Variants in HK1 observed in about 807,000 individuals in gnomAD.
The protein encoded by HK1 is hexokinase-1.
A neutral mutation model predicts 91.6 loss-of-function variants in HK1; 28 were observed. The observed-to-expected ratio is 0.31, with a 90% CI of 0.23 to 0.42. The LOEUF is 0.42. Ranked by LOEUF, HK1 falls within the 10% of genes least tolerant of loss-of-function variation. The pLI is 1.00. For missense variants in HK1, 770 were observed against 1,219.8 expected (o/e 0.63, Z 5.49); for synonymous variants, 430 against 468.1 (o/e 0.92, Z 1.05).
At chr10:69,276,890 TC>T (rs1479815719) in intron 1 of HK1, among the ~76,000 whole-genome samples, 1 of 151,588 alleles carries the variant, frequency 6.6e-6, no homozygotes, top group Admixed American at 6.6e-5. Context: ...ATGTATCTTC[TC>T]CCAAAGAAGA....
At chr10:69,368,431 C>A (rs1849818160) in intron 4 of HK1, 105 bp from the exon 5 acceptor site, 2 of 953,278 alleles carry the variant, frequency 2.1e-6, no homozygotes, top group Non-Finnish European at 3.4e-6. Flanking sequence ...AGCCACTTGG[C>A]CCCTATGGGC....
chr10:69,380,035 G>T lies in HK1; in HGVS notation c.1205G>T (p.Gly402Val). ...TTGAACCGCCTGCGTGATAACAAGG[G>T]CACACCCAGGCTGCGGACCACGGTT... is the stretch of plus-strand genomic sequence containing the variant. ...AILNRLRDNKGTPRLRTTVGV... is the reference protein window; with the variant it reads ...AILNRLRDNKVTPRLRTTVGV... The change falls in exon 9 of 18, where the codon GGC becomes GTC. Residue 402 changes from glycine to valine, a missense_variant. Transcript: ENST00000359426. This position sits in a 1 kb window ranked among gnomAD's most constrained non-coding sequence, Gnocchi z 4.0. 6.2e-7 allele frequency: 1 copy of T among 1,614,130 alleles called. No homozygotes were observed. Among genetic ancestry groups the T allele is most frequent in the Non-Finnish European group, 8.5e-7 (1 of 1,179,996 alleles).
At chr10:69,275,782 T>C (rs1454486404) in intron 1 of HK1, among the ~76,000 whole-genome samples, 2 of 152,094 alleles carry the variant, frequency 1.3e-5, no homozygotes, top group Admixed American at 1.3e-4. Context: ...GTGCTTTTCA[T>C]GTGCACTTAA....
At chr10:69,309,973 C>A (rs2132531317) in intron 5 of HK1, among the ~76,000 whole-genome samples, 1 of 151,052 alleles carries the variant, frequency 6.6e-6, no homozygotes, top group African/African-American at 2.4e-5. Flanking sequence ...TTGCTTGAAC[C>A]CGGGAGGCGG....
In HK1 at chr10:69,377,056, A is replaced by G. The variant is rs1441707314; in HGVS notation, c.998A>G (p.Lys333Arg). Reference protein sequence around the residue: ...RITPELLTRGKFNTSDVSAIE... With the variant: ...RITPELLTRGRFNTSDVSAIE... ...ACCCCGGAGCTGCTCACCCGAGGGA[A>G]GTTTAACACCAGTGATGTGTCAGCC... Residue 333 changes from lysine to arginine, a missense_variant, in exon 8 of 18, where the codon AAG becomes AGG. Transcript: ENST00000359426. The G allele has an allele frequency of 6.2e-7, 1 of 1,614,136 alleles. No individual in the cohort carries two copies. The highest frequency in any genetic ancestry group is 1.1e-5 in the South Asian group (1 of 91,072).
At chr10:69,387,771 G>A (rs796914875) in intron 13 of HK1, among the ~76,000 whole-genome samples, 7 of 152,190 alleles carry the variant, frequency 4.6e-5, no homozygotes, top group South Asian at 2.1e-4. Flanking sequence ...TGTGTTTCTC[G>A]TGGTCTTTGG....
At chr10:69,392,078 C>T (rs1016579663) in intron 14 of HK1, 47 bp from the exon 15 acceptor site, 4 of 1,609,394 alleles carry the variant, frequency 2.5e-6, no homozygotes, top group Non-Finnish European at 3.4e-6. Context: ...TTGCAAGACC[C>T]CCAAATGCAA....
chr10:69,350,776 T>A (rs936379113), intron 2 of HK1, among the ~76,000 whole-genome samples: 8 of 152,170 alleles, frequency 5.3e-5, no homozygotes, highest in African/African-American at 1.9e-4. Flanking sequence ...CATCTCAGTG[T>A]AGTATTTGCT....
chr10:69,300,894 C>T (rs1259171255), intron 5 of HK1: 4 of 1,051,428 alleles, frequency 3.8e-6, no homozygotes, highest in Middle Eastern at 2.0e-4. Flanking sequence ...CCCACAAAAA[C>T]CTATTAGAAC....
At chr10:69,270,603 A>C (rs534626724) in intron 1 of HK1, among the ~76,000 whole-genome samples, 1 of 151,704 alleles carries the variant, frequency 6.6e-6, no homozygotes, top group East Asian at 1.9e-4. Context: ...AAAAAGGAAG[A>C]GAGAGCATCT....
chr10:69,308,599 C>T (rs139505688), intron 5 of HK1, among the ~76,000 whole-genome samples: 1 of 152,054 alleles, frequency 6.6e-6, no homozygotes, highest in Non-Finnish European at 1.5e-5. Flanking sequence ...GGTCAGGGGT[C>T]GATCTGTAAC....
In HK1 at chr10:69,293,800, A is replaced by G. The variant is rs1204211506; in HGVS notation, c.-114-1833A>G. ...GCTCATTCACATAGTGGTGGTTGCA[A>G]GGGTTCCAAGAGCAGCATGGGAAGT... On this transcript the variant is annotated intron_variant, in intron 3 of 21. Transcript: ENST00000360289. 1.3e-5 allele frequency among the ~76,000 whole-genome samples: 2 copies of G among 151,644 alleles called. 1 individual carries two copies. The highest frequency in any genetic ancestry group is 3.9e-4 in the East Asian group (2 of 5,178).
intron 15 of HK1, 34 bp downstream of exon 15, chr10:69,392,342 C>A: frequency 1.2e-6 from 2 of 1,610,212 alleles, no homozygotes; most frequent in South Asian, 1.1e-5. Flanking sequence ...CACTCACAGT[C>A]AGGGTGGGGG....
chr10:69,324,581 C>CA, intron 1 of HK1, among the ~76,000 whole-genome samples: 1 of 151,916 alleles, frequency 6.6e-6, no homozygotes, highest in Admixed American at 6.6e-5. Context: ...TCCATCTAAA[C>CA]AAAAATAATA....
At chr10:69,287,680 T>A (rs1205496136) in intron 2 of HK1, among the ~76,000 whole-genome samples, 3 of 152,114 alleles carry the variant, frequency 2.0e-5, no homozygotes, top group Non-Finnish European at 4.4e-5. Context: ...GAATTAGTGA[T>A]GATGGTTGCA....
intron 2 of HK1, among the ~76,000 whole-genome samples, chr10:69,349,497 A>G (rs1281842984): frequency 6.6e-6 from 1 of 152,260 alleles, no homozygotes; most frequent in Non-Finnish European, 1.5e-5. Flanking sequence ...GACCGCACCC[A>G]GCAGGCCTGA....
chr10:69,333,576 C>CCCTA (rs1451385630), intron 1 of HK1, among the ~76,000 whole-genome samples: 1 of 152,056 alleles, frequency 6.6e-6, no homozygotes, highest in Non-Finnish European at 1.5e-5. Context: ...AACCTCCAGG[C>CCCTA]CCTACTCAGG....
Position 69,369,210 on chromosome 10 carries a change from C to T in HK1, c.592-27C>T. On this transcript the variant is annotated intron_variant, in intron 5 of 17. Coordinates refer to ENST00000359426, the MANE Select transcript of HK1 (RefSeq NM_000188.3). The surrounding 1 kb of genome is among the most constrained non-coding windows in gnomAD (Gnocchi z 4.4). ...ATCTCTGCTCCCATGTGTGAGTGGACAATGACACCCCGTTATCTGTCCCCA... is the reference window on the plus strand; with the variant it reads ...ATCTCTGCTCCCATGTGTGAGTGGATAATGACACCCCGTTATCTGTCCCCA... The T allele has an allele frequency of 6.4e-7, 1 of 1,551,336 alleles. No individual in the cohort carries two copies. Among genetic ancestry groups the T allele is most frequent in the Non-Finnish European group, 8.9e-7 (1 of 1,122,920 alleles).
intron 2 of HK1, among the ~76,000 whole-genome samples, chr10:69,284,916 A>G (rs1278631115): frequency 6.6e-6 from 1 of 152,002 alleles, no homozygotes; most frequent in Non-Finnish European, 1.5e-5. Context: ...TCCTGGGTTC[A>G]CGCCATTCTC....
Sources: allele counts gnomAD v4.1 joint callset (sites outside exome capture counted in the v4.1 genomes callset), GRCh38; gene constraint gnomAD v4.1.1; non-coding constraint Gnocchi (gnomAD v3.1); transcripts MANE v1.5; gene names NCBI Gene and HGNC (gene_info 2026-07-23, HGNC 2026-07-21).